The following AVEN variants were observed in gnomAD, a reference collection of about 807,000 sequenced individuals.
AVEN encodes the protein cell death regulator Aven.
In AVEN, 41 loss-of-function variants were observed where a neutral mutation model predicts 38.1. The ratio of observed to expected loss-of-function variants is 1.08; its 90% CI spans 0.84 to 1.40. The LOEUF is 1.40. AVEN is among the 40% of genes most tolerant of loss of function. AVEN has a pLI of 0.00. For missense variants in AVEN, 605 were observed against 438.8 expected (o/e 1.38, Z -3.38); for synonymous variants, 206 against 171.8 (o/e 1.20, Z -1.56).
intron 2 of AVEN, among the ~76,000 whole-genome samples, chr15:33,938,889 T>C (rs1013723996): frequency 6.6e-6 from 1 of 152,140 alleles, no homozygotes; most frequent in Admixed American, 6.5e-5. Flanking sequence ...TTGCCGAGGC[T>C]GGAATGCAAT....
intron 1 of AVEN, among the ~76,000 whole-genome samples, chr15:34,015,339 CA>C (rs1336140038): frequency 2.6e-5 from 4 of 151,926 alleles, no homozygotes; most frequent in Non-Finnish European, 4.4e-5. Context: ...AAAAATTAGC[CA>C]GGTGCGGTGG....
At chr15:33,937,450 A>G (rs895632846) in intron 2 of AVEN, among the ~76,000 whole-genome samples, 19 of 149,574 alleles carry the variant, frequency 1.3e-4, no homozygotes, top group Non-Finnish European at 2.2e-4. Context: ...GGAGAACGGC[A>G]TGAACCTGGG....
intron 2 of AVEN, among the ~76,000 whole-genome samples, chr15:33,918,942 A>C (rs1893279391): frequency 6.8e-6 from 1 of 146,632 alleles, no homozygotes; most frequent in Admixed American, 6.8e-5. Context: ...TTTTTTTGAA[A>C]TGGAGTCTCA....
chr15:33,995,054 G>A (rs1328732100), intron 2 of AVEN, among the ~76,000 whole-genome samples: 1 of 152,180 alleles, frequency 6.6e-6, no homozygotes, highest in Non-Finnish European at 1.5e-5. Context: ...TTGAGACCAG[G>A]AATTCAAGAC....
chr15:33,905,003 G>A (rs1324949188), intron 2 of AVEN, among the ~76,000 whole-genome samples: 2 of 151,468 alleles, frequency 1.3e-5, no homozygotes, highest in East Asian at 2.0e-4. Context: ...TGTGGCACAC[G>A]TCTGTAATCC....
chr15:33,895,546 G>A (rs1346779659), intron 2 of AVEN, among the ~76,000 whole-genome samples: 2 of 151,802 alleles, frequency 1.3e-5, no homozygotes, highest in African/African-American at 2.4e-5. Flanking sequence ...GAGTGGTCTC[G>A]AATTCCTGGC....
In AVEN at chr15:33,866,794, C is replaced by T. The variant is rs563087117; in HGVS notation, c.974-66G>A. ...CTAAAATTGAAGGTATAATTCAGCCCAATTTATTACTTTCCTTACAACAAG... is the reference window on the plus strand; with the variant it reads ...CTAAAATTGAAGGTATAATTCAGCCTAATTTATTACTTTCCTTACAACAAG... On this transcript the variant is annotated intron_variant, in intron 5 of 5. Coordinates refer to ENST00000306730, the MANE Select transcript of AVEN (RefSeq NM_020371.3). 28 of 1,117,252 alleles carry T rather than the reference C, an allele frequency of 2.5e-5. No individual in the cohort carries two copies. In the South Asian group the frequency reaches 3.7e-4, roughly 15 times the overall value. The allele number at this position is 1,117,252 out of a possible 1,614,324, so 69.2% of individuals were successfully genotyped here.
chr15:34,012,263 A>G (rs1897668268), intron 1 of AVEN, among the ~76,000 whole-genome samples: 2 of 140,592 alleles, frequency 1.4e-5, no homozygotes, highest in African/African-American at 5.9e-5. Context: ...TGCTTTGCCA[A>G]TCTATTTAAT....
At chr15:34,000,626 C>T (rs1311414944) in intron 2 of AVEN, among the ~76,000 whole-genome samples, 2 of 152,148 alleles carry the variant, frequency 1.3e-5, no homozygotes, top group African/African-American at 4.8e-5. Flanking sequence ...GGTCAGCTTA[C>T]CTAGAAAACA....
chr15:33,889,071 T>C (rs1294901283), intron 2 of AVEN, among the ~76,000 whole-genome samples: 1 of 152,212 alleles, frequency 6.6e-6, no homozygotes, highest in Non-Finnish European at 1.5e-5. Flanking sequence ...GTCTTACAGA[T>C]ATTTTAAAAT....
At chr15:34,039,473 ATG>A (rs1437362678), upstream of AVEN, among the ~76,000 whole-genome samples, 1 of 152,258 alleles carries the variant, frequency 6.6e-6, no homozygotes, top group Non-Finnish European at 1.5e-5. Flanking sequence ...ACATACTAAA[ATG>A]TTAGTGGTTA....
At chr15:33,905,983 C>T (rs1306485815) in intron 2 of AVEN, among the ~76,000 whole-genome samples, 1 of 152,176 alleles carries the variant, frequency 6.6e-6, no homozygotes, top group African/African-American at 2.4e-5. Flanking sequence ...TAGATTTTCT[C>T]AGTACCTCCT....
chr15:33,901,963 G>C (rs1646232462), intron 2 of AVEN, among the ~76,000 whole-genome samples: 1 of 152,090 alleles, frequency 6.6e-6, no homozygotes, highest in Admixed American at 6.6e-5. Flanking sequence ...CTAGCCCATA[G>C]GTTGCCTTTC....
chr15:33,887,098 A>G (rs569431728), intron 2 of AVEN, among the ~76,000 whole-genome samples: 1 of 152,358 alleles, frequency 6.6e-6, no homozygotes, highest in South Asian at 2.1e-4. Context: ...TAGTTCTATC[A>G]AACCACAAAG....
intron 2 of AVEN, among the ~76,000 whole-genome samples, chr15:33,949,921 C>G (rs1042544497): frequency 6.6e-6 from 1 of 152,124 alleles, no homozygotes; most frequent in Non-Finnish European, 1.5e-5. Flanking sequence ...CCCATGTTCA[C>G]TGCAGCACTA....
Position 34,039,031 on chromosome 15 carries a change from C to T in AVEN, c.16G>A (p.Gly6Arg). 2 of 1,119,310 alleles carry T rather than the reference C, an allele frequency of 1.8e-6. No homozygotes were observed. Among genetic ancestry groups the T allele is most frequent in the East Asian group, 5.6e-5 (1 of 18,016 alleles). The allele number at this position is 1,119,310 out of a possible 1,614,324, so 69.3% of individuals were successfully genotyped here. The change falls in exon 1 of 6, where the codon GGA (glycine) becomes AGA (arginine). Residue 6 changes from glycine to arginine, a missense_variant. Transcript: ENST00000306730. ...CGCCGCCCACGGCCTCCCCGAGCTC[C>T]TCGCTCCGCCTGCATCTGGCCGCCG... MQAER[G>R]ARGGRGRRPG... is the part of the protein sequence containing the mutation.
intron 4 of AVEN, among the ~76,000 whole-genome samples, chr15:33,870,705 C>T (rs188569944): frequency 6.6e-6 from 1 of 152,276 alleles, no homozygotes; most frequent in African/African-American, 2.4e-5. Context: ...ACATTTCACT[C>T]AATTCCACTA....
chr15:33,882,023 GA>G (rs1341604436), intron 2 of AVEN, among the ~76,000 whole-genome samples: 3 of 152,198 alleles, frequency 2.0e-5, no homozygotes, highest in Admixed American at 1.3e-4. Context: ...AATAGAACTA[GA>G]AAGAACTAGG....
intron 2 of AVEN, among the ~76,000 whole-genome samples, chr15:33,906,392 A>G (rs1268045891): frequency 6.6e-6 from 1 of 152,238 alleles, no homozygotes; most frequent in Non-Finnish European, 1.5e-5. Context: ...ATGCCACTGT[A>G]CATAGATGCC....
Sources: allele counts gnomAD v4.1 joint callset (sites outside exome capture counted in the v4.1 genomes callset), GRCh38; gene constraint gnomAD v4.1.1; transcripts MANE v1.5; gene names NCBI Gene and HGNC (gene_info 2026-07-23, HGNC 2026-07-21).